GMPS: variants seen among roughly 807,000 people sequenced by gnomAD.
GMPS encodes the protein guanosine monophosphate synthase, also known as GMP synthase [glutamine-hydrolyzing].
GMPS carries 15 observed loss-of-function variants against 77.9 expected under a neutral mutation model. That is an observed-to-expected ratio of 0.19 (90% confidence interval 0.13 to 0.30). GMPS has a LOEUF of 0.30. Among genes scored for constraint, GMPS ranks in the 10% least tolerant of loss-of-function variants. The pLI, the probability that GMPS is intolerant of heterozygous loss-of-function variation, is 1.00. For missense variants in GMPS, 590 were observed against 838.8 expected, an observed-to-expected ratio of 0.70 and a Z score of 3.66; for synonymous variants, 224 against 275.9, an observed-to-expected ratio of 0.81 and a Z score of 1.86.
At chr3:155,921,872 G>A (rs1437148133) in intron 10 of GMPS, among the ~76,000 whole-genome samples, 1 of 152,124 alleles carries the variant, frequency 6.6e-6, no homozygotes, top group Non-Finnish European at 1.5e-5. Context: ...AACTATGATA[G>A]TATTACCCTG....
At chr3:155,882,834 A>G (rs979117858) in intron 1 of GMPS, among the ~76,000 whole-genome samples, 3 of 152,216 alleles carry the variant, frequency 2.0e-5, no homozygotes, top group African/African-American at 7.2e-5. Flanking sequence ...TAAAGTCAGA[A>G]TACATGCTTG....
At chr3:155,876,859 G>A (rs1047091350) in intron 1 of GMPS, among the ~76,000 whole-genome samples, 1 of 152,190 alleles carries the variant, frequency 6.6e-6, no homozygotes, top group African/African-American at 2.4e-5. Context: ...TAAAAGTGGT[G>A]TGAGCCAGCA....
intron 14 of GMPS, among the ~76,000 whole-genome samples, chr3:155,935,417 A>G (rs1045649735): frequency 4.6e-5 from 7 of 152,240 alleles, no homozygotes; most frequent in Middle Eastern, 3.4e-3. Context: ...TCCTAACCTC[A>G]TGTGATCAGG....
At position 155,903,879 on chromosome 3, in the gene GMPS, T is replaced by C; in HGVS notation, c.341T>C (p.Phe114Ser). The stretch of plus-strand genomic sequence containing the variant: ...TTTGAACAGATGATGAATAAGGTAT[T>C]TGGAGGTACTGTGCACAAAAAAAGT... ...CYGMQMMNKV[F>S]GGTVHKKSVR... Residue 114 changes from phenylalanine to serine, a missense_variant, in exon 4 of 16, where the codon TTT (phenylalanine) becomes TCT (serine). Transcript: ENST00000496455. 1.3e-6 allele frequency: 2 copies of C among 1,515,998 alleles called. No individual in the cohort carries two copies. Among genetic ancestry groups the C allele is most frequent in the Non-Finnish European group, 1.8e-6 (2 of 1,110,120 alleles). The allele number at this position is 1,515,998 out of a possible 1,614,324, so 93.9% of individuals were successfully genotyped here.
rs1446549318 is a variant in GMPS at position 155,925,345 on chromosome 3, A to C, written c.1539A>C (p.Pro513=). 1 of 1,610,990 alleles carries C rather than the reference A, an allele frequency of 6.2e-7. No homozygotes were observed. The highest frequency in any genetic ancestry group is 8.5e-7 in the Non-Finnish European group (1 of 1,177,912). ...SLHSLNAFLL[P]IKTVGVQGDC... Reference sequence around the variant, plus strand: ...ATTCACTGAATGCCTTCTTGCTGCCAATTAAAACTGTAGGTGTGCAGGTGA... The same window carrying C: ...ATTCACTGAATGCCTTCTTGCTGCCCATTAAAACTGTAGGTGTGCAGGTGA... Residue 513 remains proline (P), a synonymous_variant, in exon 12 of 16, where the codon CCA becomes CCC. Coordinates refer to ENST00000496455, the MANE Select transcript of GMPS (RefSeq NM_003875.3).
At chr3:155,874,162 T>C (rs1753973754) in intron 1 of GMPS, among the ~76,000 whole-genome samples, 1 of 152,234 alleles carries the variant, frequency 6.6e-6, no homozygotes. Context: ...TTTGACATAG[T>C]AACTTGAGTT....
At position 155,916,126 on chromosome 3, in the gene GMPS, T is replaced by C; in HGVS notation, c.1146T>C (p.Ser382=). 6.2e-7 allele frequency: 1 copy of C among 1,613,514 alleles called. No homozygotes were observed. The highest frequency in any genetic ancestry group is 1.1e-5 in the South Asian group (1 of 91,060). The change falls in exon 9 of 16, where the codon AGT becomes AGC. Residue 382 remains serine, a synonymous_variant. Coordinates refer to ENST00000496455, the MANE Select transcript of GMPS (RefSeq NM_003875.3). ...DLIESASLVA[S]GKAELIKTHH... is the part of the protein sequence containing the mutation. Reference sequence around the variant, plus strand: ...TTGAAAGTGCATCCCTTGTTGCAAGTGGCAAAGCTGAACTCATCAAAACCC... The same window carrying C: ...TTGAAAGTGCATCCCTTGTTGCAAGCGGCAAAGCTGAACTCATCAAAACCC...
At chr3:155,882,954 C>T (rs1030091927) in intron 1 of GMPS, among the ~76,000 whole-genome samples, 2 of 151,980 alleles carry the variant, frequency 1.3e-5, no homozygotes, top group African/African-American at 2.4e-5. Context: ...TAGAAAGGGT[C>T]GTATGTAGAA....
At chr3:155,893,843 G>A in intron 2 of GMPS, 144 bp downstream of exon 2, 3 of 510,542 alleles carry the variant, frequency 5.9e-6, no homozygotes, top group East Asian at 3.3e-5. Context: ...CTCTGATTTG[G>A]GGAGAAAAAG....
chr3:155,914,970 A>G (rs1577523497), intron 8 of GMPS, among the ~76,000 whole-genome samples: 1 of 151,642 alleles, frequency 6.6e-6, no homozygotes, highest in East Asian at 2.0e-4. Context: ...GGGTTTCACC[A>G]TGTTGGCCAG....
intron 1 of GMPS, among the ~76,000 whole-genome samples, chr3:155,885,795 A>G (rs1560037323): frequency 6.6e-6 from 1 of 152,200 alleles, no homozygotes; most frequent in African/African-American, 2.4e-5. Context: ...AGACTCATGT[A>G]CTACTTACAC....
intron 9 of GMPS, among the ~76,000 whole-genome samples, chr3:155,918,822 G>A (rs1400915928): frequency 6.6e-6 from 1 of 151,986 alleles, no homozygotes; most frequent in East Asian, 1.9e-4. Flanking sequence ...CTGGTTACAA[G>A]TCTTTTATCA....
At chr3:155,870,554 C>A, upstream of GMPS, 1 of 295,970 alleles carries the variant, frequency 3.4e-6, no homozygotes, top group Non-Finnish European at 6.3e-6. Flanking sequence ...GCCGGTTTGG[C>A]GGCGGCTGCG....
At chr3:155,906,408 G>T in intron 5 of GMPS, 145 bp downstream of exon 5, 1 of 518,954 alleles carries the variant, frequency 1.9e-6, no homozygotes, top group Non-Finnish European at 3.4e-6. Flanking sequence ...ATGAATGTAG[G>T]ATTAACTGTT....
intron 5 of GMPS, 124 bp from the exon 6 acceptor site, chr3:155,910,568 C>CAAAA (rs772197752): frequency 1.7e-4 from 45 of 266,526 alleles, no homozygotes; most frequent in Admixed American, 4.2e-4. Context: ...GACTCTGTCT[C>CAAAA]AAAAAAAAAA....
intron 8 of GMPS, among the ~76,000 whole-genome samples, chr3:155,915,281 A>G (rs1755147036): frequency 7.0e-6 from 1 of 142,710 alleles, no homozygotes; most frequent in Non-Finnish European, 1.5e-5. Flanking sequence ...CTTGTCACTC[A>G]GGCTGGAGTA....
chr3:155,899,960 T>C (rs984589043), intron 3 of GMPS, among the ~76,000 whole-genome samples: 2 of 152,224 alleles, frequency 1.3e-5, no homozygotes, highest in Admixed American at 6.5e-5. Flanking sequence ...TATTCCATTG[T>C]ATGGAGGTAT....
Position 155,870,784 on chromosome 3 carries a change from C to T in GMPS, c.-87C>T, listed in dbSNP as rs1316506491. On this transcript the variant is annotated 5_prime_UTR_variant, in exon 1 of 16. Transcript: ENST00000496455. ...TCCTCGACCAGGCCTCCTTCTCAAC[C>T]TCAGCCCGCGGCGCCGACCCTTCCG... The T allele has an allele frequency of 5.4e-6, 5 of 919,808 alleles. No individual in the cohort carries two copies. The highest frequency in any genetic ancestry group is 1.7e-5 in the African/African-American group (1 of 57,968). The allele number at this position is 919,808 out of a possible 1,614,324, so 57.0% of individuals were successfully genotyped here. A position where few individuals can be genotyped will look rare whatever the true frequency, so the allele number is the denominator to read the frequency against.
At chr3:155,876,827 G>A (rs1754059621) in intron 1 of GMPS, among the ~76,000 whole-genome samples, 1 of 152,278 alleles carries the variant, frequency 6.6e-6, no homozygotes, top group African/African-American at 2.4e-5. Context: ...TGAAAACTGA[G>A]TGTCATTAAT....
Sources: gnomAD v4.1 joint callset for allele counts (sites outside exome capture counted in the v4.1 genomes callset) on GRCh38, gnomAD v4.1.1 for gene constraint, MANE v1.5 for transcripts, NCBI Gene and HGNC (gene_info 2026-07-23, HGNC 2026-07-21) for gene names.